PAH: variants seen among roughly 807,000 people sequenced by gnomAD.
PAH encodes the protein phenylalanine-4-hydroxylase.
In PAH, 64 loss-of-function variants were observed where a neutral mutation model predicts 62.0. The ratio of observed to expected loss-of-function variants is 1.03; its 90% confidence interval spans 0.84 to 1.27. The LOEUF (loss-of-function observed/expected upper bound fraction) is 1.27. PAH is among the 50% of genes most tolerant of loss of function. The pLI, the probability that PAH is intolerant of heterozygous loss-of-function variation, is 0.00. For missense variants in PAH, 579 were observed against 542.8 expected, an observed-to-expected ratio of 1.07 and a Z score of -0.66; for synonymous variants, 195 against 196.2, an observed-to-expected ratio of 0.99 and a Z score of 0.05.
At chr12:102,892,191 A>G (rs939109135) in intron 3 of PAH, among the ~76,000 whole-genome samples, 5 of 152,242 alleles carry the variant, frequency 3.3e-5, no homozygotes, top group African/African-American at 2.4e-5. Flanking sequence ...GAATGAAGGC[A>G]GAGATGAGTC....
chr12:102,839,451 A>G (rs1248915540), intron 12 of PAH, among the ~76,000 whole-genome samples: 1 of 152,234 alleles, frequency 6.6e-6, no homozygotes, highest in Non-Finnish European at 1.5e-5. Context: ...TTCCCAGGGA[A>G]GGACTTAACA....
At chr12:102,870,118 G>C (rs1373124998) in intron 4 of PAH, among the ~76,000 whole-genome samples, 1 of 152,144 alleles carries the variant, frequency 6.6e-6, no homozygotes, top group Non-Finnish European at 1.5e-5. Context: ...ACTGAAGTCT[G>C]CATGTATTGA....
At chr12:102,932,995 C>T (rs139645176) in intron 1 of PAH, among the ~76,000 whole-genome samples, 555 of 152,242 alleles carry the variant, frequency 3.6e-3, no homozygotes, top group African/African-American at 0.013. Flanking sequence ...TCCAATTATG[C>T]TCTTTCATTT....
chr12:102,877,404 G>T, intron 4 of PAH, 58 bp downstream of exon 4: 1 of 1,137,932 alleles, frequency 8.8e-7, no homozygotes, highest in South Asian at 1.2e-5. Context: ...GTAAGAGGAA[G>T]GGAGGGGAGT....
In PAH at chr12:102,875,529, T is replaced by G. The variant is rs567431317; in HGVS notation, c.441+1933A>C. Among the ~76,000 whole-genome samples the G allele has an allele frequency of 2.0e-5, 3 of 152,276 alleles. No individual in the cohort carries two copies. The South Asian group carries it at 6.2e-4, about 32-fold the overall frequency. On this transcript the variant is annotated intron_variant, in intron 4 of 12. Coordinates refer to ENST00000553106, the MANE Select transcript of PAH (RefSeq NM_000277.3). Reference sequence around the variant, plus strand: ...GGAGATGCTTTGCTGACAGAGTTGATGGCTAAGAGGCCCCAGACAGAGATC... The same window carrying G: ...GGAGATGCTTTGCTGACAGAGTTGAGGGCTAAGAGGCCCCAGACAGAGATC...
intron 4 of PAH, among the ~76,000 whole-genome samples, chr12:102,876,629 C>T (rs1876575319): frequency 6.6e-6 from 1 of 152,228 alleles, no homozygotes; most frequent in Admixed American, 6.5e-5. Flanking sequence ...AGTCATTTGC[C>T]TGGCAGAGAA....
chr12:102,841,271 G>A (rs996010814), intron 11 of PAH, among the ~76,000 whole-genome samples: 1 of 152,154 alleles, frequency 6.6e-6, no homozygotes, highest in African/African-American at 2.4e-5. Context: ...GGGCCTCTAT[G>A]AGGGACATCA....
intron 6 of PAH, chr12:102,854,775 CACT>C: frequency 3.0e-6 from 1 of 330,526 alleles, no homozygotes. Context: ...CACAAACACA[CACT>C]CCTAACTCAT....
At chr12:102,952,970 A>G (rs968083743), upstream of PAH, among the ~76,000 whole-genome samples, 16 of 152,286 alleles carry the variant, frequency 1.1e-4, no homozygotes, top group Admixed American at 9.8e-4. Context: ...TTCTGAAATT[A>G]CCTTGGGTAG....
chr12:102,917,253 G>A (rs1878422061), upstream of PAH: 5 of 833,214 alleles, frequency 6.0e-6, no homozygotes, highest in South Asian at 7.1e-5. Context: ...GTTACAAAGG[G>A]TGTCTCTTGC....
intron 1 of PAH, among the ~76,000 whole-genome samples, chr12:102,946,957 C>A (rs180865354): frequency 9.9e-5 from 15 of 152,120 alleles, no homozygotes; most frequent in Non-Finnish European, 1.6e-4. Context: ...TGTTCTGATG[C>A]CTTTTATACG....
chr12:102,946,291 G>T (rs146245679), intron 1 of PAH, among the ~76,000 whole-genome samples: 3 of 152,190 alleles, frequency 2.0e-5, no homozygotes, highest in African/African-American at 7.2e-5. Context: ...CATGTGCCCC[G>T]CAAGTCCACT....
At chr12:102,854,776 A>T (rs1875332003) in intron 6 of PAH, 1 of 331,690 alleles carries the variant, frequency 3.0e-6, no homozygotes, top group Non-Finnish European at 5.8e-6. Flanking sequence ...ACAAACACAC[A>T]CTCCTAACTC....
intron 2 of PAH, among the ~76,000 whole-genome samples, chr12:102,907,310 A>G (rs1878014687): frequency 6.6e-6 from 1 of 152,228 alleles, no homozygotes; most frequent in Admixed American, 6.5e-5. Flanking sequence ...TCAGATGTTC[A>G]GGGATAGCTG....
upstream of PAH, chr12:102,953,435 A>G (rs1879826686): frequency 6.6e-6 from 1 of 152,232 alleles, no homozygotes; most frequent in African/African-American, 2.4e-5. Flanking sequence ...GAGACAACAC[A>G]CAATCAAGAG....
chr12:102,947,389 C>T (rs928838095), intron 1 of PAH, among the ~76,000 whole-genome samples: 1 of 152,098 alleles, frequency 6.6e-6, no homozygotes, highest in Non-Finnish European at 1.5e-5. Context: ...AAATATGTTG[C>T]CCTTGATACA....
In PAH at chr12:102,898,185, A is replaced by G. The variant is rs73173940; in HGVS notation, c.169-3267T>C. On this transcript the variant is annotated intron_variant, in intron 2 of 12. Coordinates refer to ENST00000553106, the MANE Select transcript of PAH (RefSeq NM_000277.3). Reference sequence around the variant, plus strand: ...TGGGAAGCTGCTTTCATTAAATGCCATAAAAATGTGAAAATAATGATTATT... The same window carrying G: ...TGGGAAGCTGCTTTCATTAAATGCCGTAAAAATGTGAAAATAATGATTATT... 9.1e-3 allele frequency among the ~76,000 whole-genome samples: 1,388 copies of G among 152,372 alleles called. 8 individuals carry two copies. The highest frequency in any genetic ancestry group is 0.013 in the Non-Finnish European group (900 of 68,030).
chr12:102,856,201 A>G (rs1875420670), intron 5 of PAH, among the ~76,000 whole-genome samples: 1 of 152,200 alleles, frequency 6.6e-6, no homozygotes, highest in Non-Finnish European at 1.5e-5. Context: ...GAGCTTGTTC[A>G]AGTACATATG....
chr12:102,883,944 G>A (rs1565862072), intron 3 of PAH, among the ~76,000 whole-genome samples: 1 of 152,172 alleles, frequency 6.6e-6, no homozygotes, highest in Non-Finnish European at 1.5e-5. Context: ...TTGATGGGAG[G>A]ATTAAAATGA....
Sources: allele counts gnomAD v4.1 joint callset (sites outside exome capture counted in the v4.1 genomes callset), GRCh38; gene constraint gnomAD v4.1.1; transcripts MANE v1.5; gene names NCBI Gene and HGNC (gene_info 2026-07-23, HGNC 2026-07-21).